The following TMEM192 variants were observed in gnomAD, a reference collection of about 807,000 sequenced individuals.
TMEM192 encodes transmembrane protein 192.
TMEM192 carries 20 observed loss-of-function variants against 26.7 expected under a neutral mutation model. That is an observed-to-expected ratio of 0.75 (90% CI 0.53 to 1.09). TMEM192 has a LOEUF of 1.09. Among genes scored for constraint, TMEM192 ranks in the 50% least tolerant of loss-of-function variants. The pLI is 0.00. For synonymous variants in TMEM192, 124 were observed against 121.0 expected, an observed-to-expected ratio of 1.02 and a Z score of -0.16; for missense variants, 304 against 322.6, an observed-to-expected ratio of 0.94 and a Z score of 0.44.
intron 5 of TMEM192, among the ~76,000 whole-genome samples, chr4:165,081,195 T>C (rs1346562664): frequency 6.6e-6 from 1 of 151,388 alleles, no homozygotes; most frequent in Non-Finnish European, 1.5e-5. Context: ...AACAAACATT[T>C]AGCACTTAAT....
chr4:165,104,568 T>TCGC (rs1735119998), intron 1 of TMEM192, among the ~76,000 whole-genome samples: 1 of 152,170 alleles, frequency 6.6e-6, no homozygotes, highest in African/African-American at 2.4e-5. Flanking sequence ...TCTCGCTCTG[T>TCGC]CGCCGAGGCT....
Position 165,112,350 on chromosome 4 carries a change from A to C in TMEM192, c.27+397T>G, listed in dbSNP as rs1251056461. Among the ~76,000 whole-genome samples, 6 of 152,122 alleles carry C rather than the reference A, an allele frequency of 3.9e-5. No individual in the cohort carries two copies. The East Asian group carries it at 1.2e-3, about 29-fold the overall frequency. On this transcript the variant is annotated intron_variant, in intron 1 of 5. Transcript: ENST00000306480. Reference sequence around the variant, plus strand: ...CTGTGCCCCTGGGACGTCCGAGCGGAACCCATCGGCCCGGCTCCCGGAGAC... The same window carrying C: ...CTGTGCCCCTGGGACGTCCGAGCGGCACCCATCGGCCCGGCTCCCGGAGAC...
At chr4:165,086,980 G>A (rs559011410) in intron 4 of TMEM192, among the ~76,000 whole-genome samples, 1 of 152,174 alleles carries the variant, frequency 6.6e-6, no homozygotes, top group African/African-American at 2.4e-5. Flanking sequence ...TGGGTGTGGT[G>A]GTAGGCGCCT....
chr4:165,108,499 A>C (rs1048613111), intron 1 of TMEM192, among the ~76,000 whole-genome samples: 1 of 152,128 alleles, frequency 6.6e-6, no homozygotes, highest in African/African-American at 2.4e-5. Flanking sequence ...CTGTTAAGAA[A>C]TTAGGTGGGC....
At chr4:165,093,100 T>C (rs559490170) in intron 3 of TMEM192, among the ~76,000 whole-genome samples, 176 of 144,500 alleles carry the variant, frequency 1.2e-3, no homozygotes, top group African/African-American at 4.3e-3. Context: ...TTTTCTTCTT[T>C]TTTTTTTTTT....
chr4:165,103,789 T>G (rs978616090), intron 1 of TMEM192, among the ~76,000 whole-genome samples: 3 of 152,222 alleles, frequency 2.0e-5, no homozygotes, highest in Non-Finnish European at 4.4e-5. Context: ...CCCAAAGTGC[T>G]GGGATTACAG....
chr4:165,079,865 G>A, intron 5 of TMEM192, 69 bp from the exon 6 acceptor site: 1 of 1,446,546 alleles, frequency 6.9e-7, no homozygotes. Flanking sequence ...TTGCAAATGA[G>A]TACCTACTAG....
chr4:165,112,645 G>A, intron 1 of TMEM192, 102 bp downstream of exon 1: 7 of 1,528,644 alleles, frequency 4.6e-6, no homozygotes, highest in East Asian at 2.5e-5. Flanking sequence ...CGCGGCCGCA[G>A]TCGCCAAGGG....
rs1004852454 is a variant in TMEM192, at chr4:165,079,506, C to G, written c.*152G>C. 3 of 789,842 alleles carry G rather than the reference C, an allele frequency of 3.8e-6. No homozygotes were observed. The highest frequency in any genetic ancestry group is 2.3e-5 in the South Asian group (1 of 43,382). The allele number at this position is 789,842 out of a possible 1,614,324, so 48.9% of individuals were successfully genotyped here. A position where few individuals can be genotyped will look rare whatever the true frequency, so the allele number is the denominator to read the frequency against. On this transcript the variant is annotated 3_prime_UTR_variant, in exon 6 of 6. Transcript: ENST00000306480. ...CCCACAAGCCCTATATTTTAAACAG[C>G]CACAGAAGTCAGAACCAAATTCAGG...
Position 165,103,047 on chromosome 4 carries a change from G to T in TMEM192, c.77C>A (p.Ala26Asp), listed in dbSNP as rs761289055. 7 of 1,613,252 alleles carry T rather than the reference G, an allele frequency of 4.3e-6. No individual in the cohort carries two copies. The highest frequency in any genetic ancestry group is 3.4e-6 in the Non-Finnish European group (4 of 1,179,696). Residue 26 changes from alanine to aspartate, a missense_variant, in exon 2 of 6, where the codon GCC becomes GAC. Transcript: ENST00000306480. ...QSIEDDPLLD[A>D]QLLPHHSLQA... The stretch of plus-strand genomic sequence containing the variant: ...TAATGAGTGGTGTGGGAGAAGCTGG[G>T]CATCCAGAAGTGGGTCGTCTTCAAT...
rs1378786231 is a variant in TMEM192 at position 165,072,394 on chromosome 4, A to C, written c.*7264T>G. On this transcript the variant is annotated 3_prime_UTR_variant, in exon 6 of 6. Transcript: ENST00000306480. ...ACATGGTGAAACCCCCTTTCTACTA[A>C]AAATATAAAAAAATTAGCTGGGTGT... The C allele has an allele frequency of 6.6e-6, 1 of 151,330 alleles. No individual in the cohort carries two copies. The highest frequency in any genetic ancestry group is 1.5e-5 in the Non-Finnish European group (1 of 67,914). 9.4% of individuals were successfully genotyped at this position (151,330 alleles called of 1,614,324 possible).
intron 3 of TMEM192, among the ~76,000 whole-genome samples, chr4:165,099,792 T>A (rs1734995703): frequency 6.6e-6 from 1 of 151,928 alleles, no homozygotes; most frequent in Non-Finnish European, 1.5e-5. Flanking sequence ...ATAAAATGTT[T>A]AAAAAAATTA....
At chr4:165,105,983 CAAG>C (rs1312101269) in intron 1 of TMEM192, among the ~76,000 whole-genome samples, 1 of 152,160 alleles carries the variant, frequency 6.6e-6, no homozygotes, top group Non-Finnish European at 1.5e-5. Flanking sequence ...GAGGATGCAG[CAAG>C]AAGGCGCCAT....
Position 165,098,626 on chromosome 4 carries a change from A to T in TMEM192, c.439+2002T>A, listed in dbSNP as rs554653560. Reference sequence around the variant, plus strand: ...CATGCCCAGCCTGGATTCAAAAAAAATTTTTTTTTCTTTTTCCTTCTTTTT... The same window carrying T: ...CATGCCCAGCCTGGATTCAAAAAAATTTTTTTTTTCTTTTTCCTTCTTTTT... On this transcript the variant is annotated intron_variant, in intron 3 of 5. Transcript: ENST00000306480. Among the ~76,000 whole-genome samples the T allele has an allele frequency of 8.4e-4, 126 of 149,704 alleles. 1 individual carries two copies. The South Asian group carries it at 0.02, about 24-fold the overall frequency.
Position 165,077,032 on chromosome 4 carries a change from C to CT in TMEM192, c.*2625dup, listed in dbSNP as rs1734398774. ...GCCAGGCTGGTCTTGAGCTCCTAAC[C>CT]TCAGGTGATCCACCTGCCTCAGCCT... On this transcript the variant is annotated 3_prime_UTR_variant, in exon 6 of 6. Coordinates refer to ENST00000306480, the MANE Select transcript of TMEM192 (RefSeq NM_001100389.2). 2 of 152,280 alleles carry CT rather than the reference C, an allele frequency of 1.3e-5. No homozygotes were observed. Among genetic ancestry groups the CT allele is most frequent in the East Asian group, 3.9e-4 (2 of 5,178 alleles). 9.4% of individuals were successfully genotyped at this position (152,280 alleles called of 1,614,324 possible).
intron 5 of TMEM192, among the ~76,000 whole-genome samples, chr4:165,084,280 C>T (rs906663490): frequency 4.0e-5 from 6 of 150,506 alleles, no homozygotes; most frequent in Admixed American, 1.3e-4. Context: ...CTCACTGCAA[C>T]CTCTGTCTCC....
chr4:165,071,838 G>C lies in TMEM192; in HGVS notation c.*7820C>G, dbSNP rs1172713381. ...CTTTGGCTTTTACTGAATGAAAAAG[G>C]GAACCATCAGAGTAGTGTTTTAGAA... On this transcript the variant is annotated 3_prime_UTR_variant, in exon 6 of 6. Transcript: ENST00000306480. The C allele has an allele frequency of 6.6e-6, 1 of 152,276 alleles. No individual in the cohort carries two copies. The highest frequency in any genetic ancestry group is 3.2e-3 in the Middle Eastern group (1 of 316). 9.4% of individuals were successfully genotyped at this position (152,276 alleles called of 1,614,324 possible).
At chr4:165,108,218 G>T (rs1735214035) in intron 1 of TMEM192, among the ~76,000 whole-genome samples, 1 of 135,980 alleles carries the variant, frequency 7.4e-6, no homozygotes, top group Non-Finnish European at 1.5e-5. Flanking sequence ...TGCCTCCTGC[G>T]TTCACACCAT....
intron 1 of TMEM192, among the ~76,000 whole-genome samples, chr4:165,109,712 G>A (rs1735250328): frequency 6.6e-6 from 1 of 152,166 alleles, no homozygotes; most frequent in South Asian, 2.1e-4. Flanking sequence ...TTCACTATAA[G>A]ACAATAATCT....
Sources: allele counts gnomAD v4.1 joint callset (sites outside exome capture counted in the v4.1 genomes callset), GRCh38; gene constraint gnomAD v4.1.1; transcripts MANE v1.5; gene names NCBI Gene and HGNC (gene_info 2026-07-23, HGNC 2026-07-21).